The following FAM171A1 variants were observed in gnomAD, a reference collection of about 807,000 sequenced individuals.
FAM171A1 encodes family with sequence similarity 171 member A1.
In FAM171A1, 23 loss-of-function variants were observed where a neutral mutation model predicts 74.9. The observed-to-expected ratio is 0.31, with a 90% CI of 0.22 to 0.44. The LOEUF is 0.44. Among genes scored for constraint, FAM171A1 ranks in the 20% least tolerant of loss-of-function variants. FAM171A1 has a pLI of 1.00. For synonymous variants in FAM171A1, 527 were observed against 505.7 expected (o/e 1.04, Z -0.57); for missense variants, 1,162 against 1,159.2 (o/e 1.00, Z -0.03).
intron 1 of FAM171A1, among the ~76,000 whole-genome samples, chr10:15,319,151 G>A (rs950237338): frequency 2.0e-5 from 3 of 152,174 alleles, no homozygotes; most frequent in African/African-American, 7.2e-5. Context: ...TGGCACATAT[G>A]TCCATTTCTA....
At chr10:15,265,657 A>AT (rs368637807) in intron 3 of FAM171A1, among the ~76,000 whole-genome samples, 1,859 of 135,116 alleles carry the variant, frequency 0.014, 36 homozygotes, top group African/African-American at 0.044. Flanking sequence ...CTGGATTTTG[A>AT]TTTTTTTTTT....
At chr10:15,257,742 C>T (rs12257755) in intron 3 of FAM171A1, among the ~76,000 whole-genome samples, 1,905 of 152,250 alleles carry the variant, frequency 0.013, 49 homozygotes, top group African/African-American at 0.043. Flanking sequence ...ACAGGCAACA[C>T]CTATGGTGAT....
chr10:15,337,296 T>C (rs111725679), intron 1 of FAM171A1, among the ~76,000 whole-genome samples: 1 of 152,246 alleles, frequency 6.6e-6, no homozygotes, highest in Non-Finnish European at 1.5e-5. Context: ...GATCTATACT[T>C]TAATATTAGA....
rs1184479957 is a variant in FAM171A1, at chr10:15,212,626, G to C, written c.*289C>G. 2.2e-6 allele frequency: 1 copy of C among 451,662 alleles called. No individual in the cohort carries two copies. Among genetic ancestry groups the C allele is most frequent in the Non-Finnish European group, 4.0e-6 (1 of 252,836 alleles). The allele number at this position is 451,662 out of a possible 1,614,324, so 28.0% of individuals were successfully genotyped here. A position where few individuals can be genotyped will look rare whatever the true frequency, so the allele number is the denominator to read the frequency against. The stretch of plus-strand genomic sequence containing the variant: ...GTTAGAGCATAGCGACATCACGTGC[G>C]GTTTCTTAATGTCCCTGGTGGCGGA... On this transcript the variant is annotated 3_prime_UTR_variant, in exon 8 of 8. Transcript: ENST00000378116.
At chr10:15,330,713 CTTTTTTTTTTTTT>C (rs898772126) in intron 1 of FAM171A1, among the ~76,000 whole-genome samples, 1 of 76,758 alleles carries the variant, frequency 1.3e-5, no homozygotes, top group Non-Finnish European at 2.3e-5. Context: ...TCTTCTTCTT[CTTTTTTTTTTTTT>C]TTTTTTTTTG....
chr10:15,356,280 A>C (rs1408212192), intron 1 of FAM171A1, among the ~76,000 whole-genome samples: 2 of 151,488 alleles, frequency 1.3e-5, no homozygotes, highest in Non-Finnish European at 1.5e-5. Context: ...AAAATGGCTA[A>C]AATTTAAAGA....
intron 1 of FAM171A1, among the ~76,000 whole-genome samples, chr10:15,285,832 C>T (rs1019640478): frequency 1.2e-4 from 19 of 152,102 alleles, no homozygotes; most frequent in African/African-American, 4.1e-4. Context: ...ATCAATGAGC[C>T]GGCTGCAGGC....
chr10:15,215,564 C>A (rs1396031445), intron 7 of FAM171A1, among the ~76,000 whole-genome samples: 1 of 152,106 alleles, frequency 6.6e-6, no homozygotes, highest in African/African-American at 2.4e-5. Flanking sequence ...CGGAGTTTCA[C>A]CACGTTGGCT....
At chr10:15,351,826 GT>G (rs1179001166) in intron 1 of FAM171A1, among the ~76,000 whole-genome samples, 1 of 152,144 alleles carries the variant, frequency 6.6e-6, no homozygotes, top group East Asian at 1.9e-4. Context: ...GCCAAGGCAG[GT>G]GGATCCCTTG....
chr10:15,303,420 C>A (rs1191505110), intron 1 of FAM171A1, among the ~76,000 whole-genome samples: 1 of 152,126 alleles, frequency 6.6e-6, no homozygotes, highest in Non-Finnish European at 1.5e-5. Flanking sequence ...ACGGTATTTT[C>A]CACACAGTTT....
chr10:15,214,131 C>T lies in FAM171A1; in HGVS notation c.1457G>A (p.Arg486Lys). 2 of 1,614,170 alleles carry T rather than the reference C, an allele frequency of 1.2e-6. No individual in the cohort carries two copies. Among genetic ancestry groups the T allele is most frequent in the African/African-American group, 2.7e-5 (2 of 75,038 alleles). Residue 486 changes from arginine to lysine, a missense_variant, in exon 8 of 8, where the codon AGG becomes AAG. By Grantham distance (26) the Arg-to-Lys change is conservative (BLOSUM62 2). Coordinates refer to ENST00000378116, the MANE Select transcript of FAM171A1 (RefSeq NM_001010924.2). Reference sequence around the variant, plus strand: ...TGAGAGCACGGTGTTGTAACTACCCCTGTAGTCATCATTGCCCGAGGACTC... The same window carrying T: ...TGAGAGCACGGTGTTGTAACTACCCTTGTAGTCATCATTGCCCGAGGACTC... ...GYESSGNDDY[R>K]GSYNTVLSQP...
chr10:15,314,616 GAACA>G (rs1835401421), intron 1 of FAM171A1, among the ~76,000 whole-genome samples: 1 of 152,186 alleles, frequency 6.6e-6, no homozygotes. Context: ...TGTGTGACAG[GAACA>G]AATAATGGAA....
intron 1 of FAM171A1, among the ~76,000 whole-genome samples, chr10:15,291,476 G>A (rs753921521): frequency 1.3e-5 from 2 of 152,268 alleles, no homozygotes; most frequent in Admixed American, 6.5e-5. Context: ...TTCCTGCGTC[G>A]GAGAGTGCAG....
chr10:15,269,099 T>C lies in FAM171A1; in HGVS notation c.418+6756A>G, dbSNP rs867670749. On this transcript the variant is annotated intron_variant, in intron 3 of 7. Coordinates refer to ENST00000378116, the MANE Select transcript of FAM171A1 (RefSeq NM_001010924.2). ...CCAGGAAACATGATTCTCAGGCCCA[T>C]GATTTTTTATTTATTTATTTATTCA... Among the ~76,000 whole-genome samples the C allele has an allele frequency of 4.2e-4, 64 of 152,144 alleles. No homozygotes were observed. In the Middle Eastern group the frequency reaches 0.01, roughly 24 times the overall value.
At chr10:15,299,922 G>T (rs987395566) in intron 1 of FAM171A1, among the ~76,000 whole-genome samples, 54 of 151,782 alleles carry the variant, frequency 3.6e-4, no homozygotes, top group African/African-American at 1.3e-3. Context: ...AGCTTGCAGT[G>T]AACCGAGCTA....
intron 1 of FAM171A1, among the ~76,000 whole-genome samples, chr10:15,291,163 A>T (rs1415859620): frequency 6.6e-6 from 1 of 152,134 alleles, no homozygotes; most frequent in East Asian, 1.9e-4. Context: ...CCACTATTTT[A>T]GAGGGTCTGG....
intron 5 of FAM171A1, among the ~76,000 whole-genome samples, chr10:15,228,140 T>C (rs1834133030): frequency 6.6e-6 from 1 of 152,172 alleles, no homozygotes; most frequent in East Asian, 1.9e-4. Flanking sequence ...TTTTCCTGCC[T>C]GGCACATTTA....
chr10:15,303,341 GAATA>G (rs1835255764), intron 1 of FAM171A1, among the ~76,000 whole-genome samples: 1 of 152,088 alleles, frequency 6.6e-6, no homozygotes, highest in Non-Finnish European at 1.5e-5. Context: ...ATCTATGGGG[GAATA>G]AATAACTACT....
At chr10:15,225,305 G>A (rs1221603443) in intron 5 of FAM171A1, among the ~76,000 whole-genome samples, 1 of 152,232 alleles carries the variant, frequency 6.6e-6, no homozygotes, top group Admixed American at 6.5e-5. Flanking sequence ...GCTGGGTGCA[G>A]TAGGCAGGGA....
Sources: gnomAD v4.1 joint callset for allele counts (sites outside exome capture counted in the v4.1 genomes callset) on GRCh38, gnomAD v4.1.1 for gene constraint, MANE v1.5 for transcripts, NCBI Gene and HGNC (gene_info 2026-07-23, HGNC 2026-07-21) for gene names.